Variants in PRPSAP2 observed in about 807,000 individuals in gnomAD.
The protein encoded by PRPSAP2 is phosphoribosyl pyrophosphate synthase-associated protein 2.
Under a neutral mutation model 40.6 loss-of-function variants are expected in PRPSAP2, and 24 were observed. That is an observed-to-expected ratio of 0.59 (90% confidence interval 0.43 to 0.83). The LOEUF (loss-of-function observed/expected upper bound fraction) is 0.83. Ranked by LOEUF, PRPSAP2 falls within the 40% of genes least tolerant of loss-of-function variation. The pLI, the probability that PRPSAP2 is intolerant of heterozygous loss-of-function variation, is 0.00. For synonymous variants in PRPSAP2, 149 were observed against 164.7 expected (o/e 0.90, Z 0.73); for missense variants, 292 against 465.6 (o/e 0.63, Z 3.43).
chr17:18,882,650 A>G lies in PRPSAP2; in HGVS notation c.495A>G (p.Ala165=), dbSNP rs750926284. The G allele has an allele frequency of 6.2e-7, 1 of 1,601,014 alleles. No individual in the cohort carries two copies. Among genetic ancestry groups the G allele is most frequent in the Non-Finnish European group, 8.6e-7 (1 of 1,168,162 alleles). Residue 165 remains alanine (A), a synonymous_variant, in exon 7 of 12, where the codon GCA becomes GCG. Coordinates refer to ENST00000268835, the MANE Select transcript of PRPSAP2 (RefSeq NM_002767.4). ...ATATTCCTGTTGACAATTTAAGAGC[A>G]TCTCCCTTCTTATTACAGTATATTC... ...FFNIPVDNLR[A]SPFLLQYIQE... is the part of the protein sequence containing the mutation.
chr17:18,865,797 T>G lies in PRPSAP2; in HGVS notation c.-32-5T>G. ...CAGTTTTTAATAAGTATTATATCCT[T>G]CTAGGCTCTGAAAATTGGAAAACCA... On this transcript the variant is annotated splice_polypyrimidine_tract_variant and splice_region_variant and intron_variant, in intron 2 of 11. Transcript: ENST00000268835. The G allele has an allele frequency of 7.0e-7, 1 of 1,437,850 alleles. No individual in the cohort carries two copies. The allele number at this position is 1,437,850 out of a possible 1,614,324, so 89.1% of individuals were successfully genotyped here.
Position 18,882,695 on chromosome 17 carries a change from C to G in PRPSAP2, c.528+12C>G, listed in dbSNP as rs1462320817. The G allele has an allele frequency of 3.3e-6, 5 of 1,499,836 alleles. No individual in the cohort carries two copies. The South Asian group carries it at 5.7e-5, about 17-fold the overall frequency. 92.9% of individuals were successfully genotyped at this position (1,499,836 alleles called of 1,614,324 possible). ...ATATTCAAGAAGAGGTGAGCTAGCT[C>G]AAACTTTTTTATTTTAACATTCTGA... On this transcript the variant is annotated intron_variant, in intron 7 of 11. Coordinates refer to ENST00000268835, the MANE Select transcript of PRPSAP2 (RefSeq NM_002767.4).
chr17:18,860,915 G>A (rs1434932471), intron 1 of PRPSAP2, among the ~76,000 whole-genome samples: 1 of 152,240 alleles, frequency 6.6e-6, no homozygotes, highest in South Asian at 2.1e-4. Flanking sequence ...TGAAAACGGT[G>A]TGTTTTCATA....
intron 6 of PRPSAP2, among the ~76,000 whole-genome samples, chr17:18,879,926 G>A (rs1017498232): frequency 2.6e-5 from 4 of 151,770 alleles, no homozygotes; most frequent in African/African-American, 4.8e-5. Context: ...GAAAAACCCC[G>A]TCTCTACTAA....
At chr17:18,880,717 A>G (rs1269469235) in intron 6 of PRPSAP2, among the ~76,000 whole-genome samples, 1 of 151,452 alleles carries the variant, frequency 6.6e-6, no homozygotes, top group African/African-American at 2.4e-5. Context: ...CTGACTTGTT[A>G]TCTTAAGACT....
intron 8 of PRPSAP2, among the ~76,000 whole-genome samples, chr17:18,899,933 C>T (rs892938925): frequency 3.9e-5 from 6 of 152,178 alleles, no homozygotes; most frequent in Admixed American, 3.3e-4. Context: ...GTTGCCCAGG[C>T]TGGAGTACAG....
chr17:18,861,244 T>C (rs1275190702), intron 1 of PRPSAP2, among the ~76,000 whole-genome samples: 2 of 151,882 alleles, frequency 1.3e-5, no homozygotes, highest in African/African-American at 4.8e-5. Context: ...GCGGGTGGAT[T>C]ACCTGAGCTT....
intron 5 of PRPSAP2, among the ~76,000 whole-genome samples, chr17:18,876,065 G>A (rs780796108): frequency 6.6e-6 from 1 of 152,044 alleles, no homozygotes; most frequent in Non-Finnish European, 1.5e-5. Context: ...CCTGGGAGGC[G>A]GAGGTTGCGG....
chr17:18,924,833 G>C (rs887617002), intron 10 of PRPSAP2, among the ~76,000 whole-genome samples: 27 of 143,666 alleles, frequency 1.9e-4, no homozygotes, highest in African/African-American at 6.5e-4. Context: ...TCAAAGTAAA[G>C]TACAAGCTGG....
At chr17:18,913,152 C>T (rs1236897326) in intron 9 of PRPSAP2, among the ~76,000 whole-genome samples, 1 of 152,172 alleles carries the variant, frequency 6.6e-6, no homozygotes, top group Non-Finnish European at 1.5e-5. Context: ...TGGGCATTGC[C>T]CTAGTGGGGT....
intron 9 of PRPSAP2, among the ~76,000 whole-genome samples, chr17:18,923,334 C>T (rs1319521258): frequency 1.3e-5 from 2 of 149,900 alleles, no homozygotes; most frequent in African/African-American, 4.9e-5. Context: ...TCCCGATCTC[C>T]TGACCTCGTG....
chr17:18,901,564 G>C (rs1050670894), intron 8 of PRPSAP2, among the ~76,000 whole-genome samples: 1 of 151,880 alleles, frequency 6.6e-6, no homozygotes, highest in African/African-American at 2.4e-5. Flanking sequence ...ATTTTTAGTG[G>C]AGACAGTTTC....
intron 11 of PRPSAP2, 35 bp from the exon 12 acceptor site, chr17:18,930,505 T>A: frequency 6.3e-7 from 1 of 1,598,488 alleles, no homozygotes; most frequent in Non-Finnish European, 8.5e-7. Context: ...TACTTGGCTT[T>A]CTGATGCTGT....
intron 4 of PRPSAP2, 128 bp from the exon 5 acceptor site, chr17:18,872,455 T>C: frequency 1.4e-6 from 1 of 692,338 alleles, no homozygotes. Flanking sequence ...ATCTAAAGCC[T>C]ACTGAGTCTT....
intron 8 of PRPSAP2, among the ~76,000 whole-genome samples, chr17:18,896,864 A>C (rs1173834004): frequency 6.6e-6 from 1 of 151,970 alleles, no homozygotes; most frequent in Non-Finnish European, 1.5e-5. Flanking sequence ...TCTCATGGCC[A>C]CCATGATTAT....
At chr17:18,902,869 CAAAAAAAAA>C (rs58345106) in intron 8 of PRPSAP2, among the ~76,000 whole-genome samples, 2 of 73,310 alleles carry the variant, frequency 2.7e-5, no homozygotes, top group Non-Finnish European at 2.5e-5. Flanking sequence ...AACTCCATCT[CAAAAAAAAA>C]AAAAAAAAAA....
At chr17:18,890,149 A>T (rs181086043) in intron 8 of PRPSAP2, among the ~76,000 whole-genome samples, 3 of 149,858 alleles carry the variant, frequency 2.0e-5, no homozygotes, top group African/African-American at 7.3e-5. Flanking sequence ...TATTTTTATT[A>T]TTATTATTAT....
intron 9 of PRPSAP2, among the ~76,000 whole-genome samples, chr17:18,914,400 G>A (rs952897816): frequency 1.3e-5 from 2 of 150,536 alleles, no homozygotes; most frequent in Admixed American, 6.7e-5. Flanking sequence ...TGGGACTATA[G>A]ATGTGTGCAC....
At chr17:18,868,312 T>A (rs963869841) in intron 4 of PRPSAP2, among the ~76,000 whole-genome samples, 2 of 151,948 alleles carry the variant, frequency 1.3e-5, no homozygotes, top group Non-Finnish European at 2.9e-5. Flanking sequence ...CTGTCTCTAC[T>A]AAAAATACAA....
Sources: allele counts gnomAD v4.1 joint callset (sites outside exome capture counted in the v4.1 genomes callset), GRCh38; gene constraint gnomAD v4.1.1; transcripts MANE v1.5; gene names NCBI Gene and HGNC (gene_info 2026-07-23, HGNC 2026-07-21).